Variants in GEN1 observed in about 807,000 individuals in gnomAD.
The protein encoded by GEN1 is GEN1 structure-specific endonuclease.
A neutral mutation model predicts 67.6 loss-of-function variants in GEN1; 64 were observed. That is an observed-to-expected ratio of 0.95 (90% CI 0.77 to 1.17). GEN1 has a LOEUF of 1.17. GEN1 is among the 50% of genes most tolerant of loss of function. The pLI, the probability that GEN1 is intolerant of heterozygous loss-of-function variation, is 0.00. For missense variants in GEN1, 1,058 were observed against 1,048.3 expected (o/e 1.01, Z -0.13); for synonymous variants, 371 against 359.4 (o/e 1.03, Z -0.37).
intron 12 of GEN1, among the ~76,000 whole-genome samples, chr2:17,778,405 CACACATATATGTGTGT>C (rs766381895): frequency 8.9e-5 from 7 of 78,628 alleles, no homozygotes; most frequent in African/African-American, 2.9e-4. Flanking sequence ...TATGTATATA[CACACATATATGTGTGT>C]ACATATATGT....
rs374432846 is a variant in GEN1 at position 17,778,076 on chromosome 2, T to C, written c.1264+13T>C. 1.6e-5 allele frequency: 24 copies of C among 1,494,826 alleles called. No individual in the cohort carries two copies. The highest frequency in any genetic ancestry group is 2.0e-5 in the Non-Finnish European group (22 of 1,074,878). 92.6% of individuals were successfully genotyped at this position (1,494,826 alleles called of 1,614,324 possible). On this transcript the variant is annotated intron_variant, in intron 12 of 13. Coordinates refer to ENST00000381254, the MANE Select transcript of GEN1 (RefSeq NM_001130009.3). ...TGGGAAAAGCCTGGTATGTATTCAC[T>C]TTAAGCAAAATATTCCATTTATAAT...
In GEN1 at chr2:17,785,157, T is replaced by G. The variant is rs1673015895; in HGVS notation, c.*3218T>G. ...TCATCCCACAGCCATCTCCCCCTCATCATCCGTGGAAAAACTGTTTTCCAC... is the reference window on the plus strand; with the variant it reads ...TCATCCCACAGCCATCTCCCCCTCAGCATCCGTGGAAAAACTGTTTTCCAC... On this transcript the variant is annotated 3_prime_UTR_variant, in exon 14 of 14. Coordinates refer to ENST00000381254, the MANE Select transcript of GEN1 (RefSeq NM_001130009.3). 2 of 152,372 alleles carry G rather than the reference T, an allele frequency of 1.3e-5. No individual in the cohort carries two copies. The highest frequency in any genetic ancestry group is 4.1e-4 in the South Asian group (2 of 4,830). 9.4% of individuals were successfully genotyped at this position (152,372 alleles called of 1,614,324 possible).
intron 11 of GEN1, among the ~76,000 whole-genome samples, chr2:17,775,133 G>A (rs1672369102): frequency 6.6e-6 from 1 of 152,154 alleles, no homozygotes. Context: ...GGTGGGTGTG[G>A]TTGGCCTTTC....
Position 17,783,850 on chromosome 2 carries a change from T to C in GEN1, c.*1911T>C, listed in dbSNP as rs1306904826. 6.6e-6 allele frequency: 1 copy of C among 152,176 alleles called. No individual in the cohort carries two copies. The highest frequency in any genetic ancestry group is 1.5e-5 in the Non-Finnish European group (1 of 68,012). 9.4% of individuals were successfully genotyped at this position (152,176 alleles called of 1,614,324 possible). A position where few individuals can be genotyped will look rare whatever the true frequency, so the allele number is the denominator to read the frequency against. On this transcript the variant is annotated 3_prime_UTR_variant, in exon 14 of 14. Transcript: ENST00000381254. ...TTCACATGATATTTAAGAAGTAACT[T>C]AAGATGGATCAAATACCTAAATGTA...
chr2:17,778,770 TC>T lies in GEN1; in HGVS notation c.1264+709del, dbSNP rs1672679148. ...TGTTAAAATACTCCTGGGGTACACTTCCTTTCCTTTTTTTTTTTAACCCTGC... is the reference window on the plus strand; with the variant it reads ...TGTTAAAATACTCCTGGGGTACACTTCTTTCCTTTTTTTTTTTAACCCTGC... On this transcript the variant is annotated intron_variant, in intron 12 of 13. Coordinates refer to ENST00000381254, the MANE Select transcript of GEN1 (RefSeq NM_001130009.3). Among the ~76,000 whole-genome samples the T allele has an allele frequency of 2.1e-5, 3 of 145,272 alleles. No homozygotes were observed. The South Asian group carries it at 6.3e-4, about 31-fold the overall frequency.
chr2:17,765,044 G>A lies in GEN1; in HGVS notation c.496G>A (p.Val166Ile), dbSNP rs1671860184. Residue 166 changes from valine to isoleucine, a missense_variant, in exon 4 of 14, where the codon GTT becomes ATT. Val to Ile is a conservative substitution (Grantham distance 29). Transcript: ENST00000381254. Reference protein sequence around the residue: ...GDTFLYGAQTVYRNFTMNTKD... With the variant: ...GDTFLYGAQTIYRNFTMNTKD... ...TACTTTCCTTTATGGGGCCCAGACT[G>A]TTTACAGGAATTTCACTATGAATAC... 1 of 1,613,922 alleles carries A rather than the reference G, an allele frequency of 6.2e-7. No individual in the cohort carries two copies. The highest frequency in any genetic ancestry group is 8.5e-7 in the Non-Finnish European group (1 of 1,179,962).
At chr2:17,774,700 A>T (rs1191553191) in intron 11 of GEN1, among the ~76,000 whole-genome samples, 2 of 152,118 alleles carry the variant, frequency 1.3e-5, no homozygotes, top group Non-Finnish European at 2.9e-5. Context: ...GTGTTAAGGG[A>T]ATGTGGGAAC....
rs1673132366 is a variant in GEN1 at position 17,788,761 on chromosome 2, T to G, written c.*6822T>G. On this transcript the variant is annotated 3_prime_UTR_variant, in exon 14 of 14. Transcript: ENST00000381254. The stretch of plus-strand genomic sequence containing the variant: ...TTCTGTGAGTGAAATCAGAAACGGC[T>G]GTTCTTTAATAAATGCTTTCAATCT... 1 of 152,228 alleles carries G rather than the reference T, an allele frequency of 6.6e-6. No homozygotes were observed. The highest frequency in any genetic ancestry group is 2.4e-5 in the African/African-American group (1 of 41,454). 9.4% of individuals were successfully genotyped at this position (152,228 alleles called of 1,614,324 possible). A position where few individuals can be genotyped will look rare whatever the true frequency, so the allele number is the denominator to read the frequency against.
chr2:17,770,715 G>A (rs1032847241), intron 6 of GEN1, among the ~76,000 whole-genome samples: 2 of 151,816 alleles, frequency 1.3e-5, no homozygotes, highest in Admixed American at 6.6e-5. Context: ...ACATGATTTA[G>A]CTTTTTGATA....
At chr2:17,760,729 G>A (rs543973968) in intron 2 of GEN1, among the ~76,000 whole-genome samples, 12 of 152,184 alleles carry the variant, frequency 7.9e-5, no homozygotes, top group Admixed American at 5.9e-4. Flanking sequence ...AGACCAGCCT[G>A]GCCAAGATGG....
At chr2:17,753,324 T>TGGGGAAGGCCGCCTGGGA (rs1671167240), upstream of GEN1, among the ~76,000 whole-genome samples, 1 of 123,630 alleles carries the variant, frequency 8.1e-6, no homozygotes, top group African/African-American at 3.3e-5. Flanking sequence ...CGGGAGAGTC[T>TGGGGAAGGCCGCCTGGGA]GGGGACGGCC....
intron 1 of GEN1, among the ~76,000 whole-genome samples, chr2:17,757,492 G>C (rs1195310062): frequency 6.6e-6 from 1 of 151,986 alleles, no homozygotes; most frequent in Non-Finnish European, 1.5e-5. Context: ...GCACTAGGTG[G>C]CAATCTTCAC....
chr2:17,760,195 TGTTA>T, intron 2 of GEN1, 91 bp downstream of exon 2: 2 of 1,240,160 alleles, frequency 1.6e-6, no homozygotes, highest in Non-Finnish European at 2.2e-6. Flanking sequence ...CTTTTGTTGT[TGTTA>T]TTCTTTTACA....
In GEN1 at chr2:17,778,068, G is replaced by A; in HGVS notation, c.1264+5G>A. Reference sequence around the variant, plus strand: ...AAATAGAATGGGAAAAGCCTGGTATGTATTCACTTTAAGCAAAATATTCCA... The same window carrying A: ...AAATAGAATGGGAAAAGCCTGGTATATATTCACTTTAAGCAAAATATTCCA... On this transcript the variant is annotated splice_donor_5th_base_variant and intron_variant, in intron 12 of 13. Transcript: ENST00000381254. 1 of 1,565,858 alleles carries A rather than the reference G, an allele frequency of 6.4e-7. No individual in the cohort carries two copies. The highest frequency in any genetic ancestry group is 8.8e-7 in the Non-Finnish European group (1 of 1,139,198).
intron 11 of GEN1, among the ~76,000 whole-genome samples, chr2:17,775,523 A>G (rs73921083): frequency 0.013 from 2,044 of 152,344 alleles, 25 homozygotes; most frequent in African/African-American, 0.032. Context: ...TACATGAAAT[A>G]CCCAAGGCAT....
upstream of GEN1, chr2:17,753,698 A>AC (rs1169085869): frequency 6.6e-6 from 1 of 152,274 alleles, no homozygotes; most frequent in Admixed American, 6.5e-5. Context: ...CGCTAAGGCC[A>AC]CCCTGCGGGC....
At chr2:17,775,809 A>G (rs1255796375) in intron 11 of GEN1, among the ~76,000 whole-genome samples, 1 of 152,206 alleles carries the variant, frequency 6.6e-6, no homozygotes, top group Non-Finnish European at 1.5e-5. Flanking sequence ...ACTGAGAAAG[A>G]TACTACATTA....
chr2:17,776,255 G>T (rs1339107684), intron 11 of GEN1, among the ~76,000 whole-genome samples: 1 of 151,952 alleles, frequency 6.6e-6, no homozygotes, highest in Non-Finnish European at 1.5e-5. Context: ...GTAGTTTTCT[G>T]GATTAAAATA....
chr2:17,753,345 G>GGACGGCCGCCTGGGAGGT (rs1671179544), upstream of GEN1, among the ~76,000 whole-genome samples: 1 of 152,230 alleles, frequency 6.6e-6, no homozygotes, highest in Non-Finnish European at 1.5e-5. Context: ...GCCTGGGAGG[G>GGACGGCCGCCTGGGAGGT]GACGGCCGCC....
Sources: allele counts gnomAD v4.1 joint callset (sites outside exome capture counted in the v4.1 genomes callset), GRCh38; gene constraint gnomAD v4.1.1; transcripts MANE v1.5; gene names NCBI Gene and HGNC (gene_info 2026-07-23, HGNC 2026-07-21).